The following NDST4 variants were observed in gnomAD, a reference collection of about 807,000 sequenced individuals.
The protein encoded by NDST4 is N-deacetylase and N-sulfotransferase 4.
A neutral mutation model predicts 100.8 loss-of-function variants in NDST4; 63 were observed. The ratio of observed to expected loss-of-function variants is 0.62; its 90% CI spans 0.51 to 0.77. The LOEUF (loss-of-function observed/expected upper bound fraction) is 0.77, where lower values mean the gene tolerates loss of function less well. Ranked by LOEUF, NDST4 falls within the 30% of genes least tolerant of loss-of-function variation. The pLI is 0.00. For missense variants in NDST4, 943 were observed against 1,018.4 expected, an observed-to-expected ratio of 0.93 and a Z score of 1.01; for synonymous variants, 377 against 361.8, an observed-to-expected ratio of 1.04 and a Z score of -0.48.
At chr4:115,063,372 T>C (rs1214677513) in intron 2 of NDST4, among the ~76,000 whole-genome samples, 1 of 151,976 alleles carries the variant, frequency 6.6e-6, no homozygotes, top group Non-Finnish European at 1.5e-5. Context: ...ATGACTACTT[T>C]AACAGCTTAA....
chr4:115,077,624 T>C (rs1237929619), intron 1 of NDST4, among the ~76,000 whole-genome samples: 1 of 152,174 alleles, frequency 6.6e-6, no homozygotes, highest in East Asian at 1.9e-4. Context: ...ATAAAACTAT[T>C]CTACAGAACT....
intron 1 of NDST4, among the ~76,000 whole-genome samples, chr4:115,078,444 G>A (rs1182342509): frequency 1.3e-5 from 2 of 152,150 alleles, no homozygotes; most frequent in Non-Finnish European, 2.9e-5. Flanking sequence ...ATGGAAATGA[G>A]GAACTTATTG....
At chr4:114,872,905 C>T (rs1027294455) in intron 6 of NDST4, among the ~76,000 whole-genome samples, 1 of 151,898 alleles carries the variant, frequency 6.6e-6, no homozygotes, top group African/African-American at 2.4e-5. Context: ...TTGAGTTTGA[C>T]ATCCGTCATT....
intron 2 of NDST4, among the ~76,000 whole-genome samples, chr4:115,052,728 C>A (rs758536899): frequency 6.6e-6 from 1 of 152,064 alleles, no homozygotes; most frequent in Non-Finnish European, 1.5e-5. Flanking sequence ...TCGGGTATGT[C>A]TTTATTAGCA....
intron 2 of NDST4, among the ~76,000 whole-genome samples, chr4:115,038,756 A>T (rs1322088614): frequency 1.3e-5 from 2 of 152,178 alleles, no homozygotes; most frequent in Admixed American, 1.3e-4. Flanking sequence ...AAGGCAGACC[A>T]CTTGAGTCCA....
intron 6 of NDST4, among the ~76,000 whole-genome samples, chr4:114,885,661 GA>G (rs1724462384): frequency 6.6e-6 from 1 of 151,966 alleles, no homozygotes; most frequent in South Asian, 2.1e-4. Flanking sequence ...TTTTTTCAAT[GA>G]AAGGTCATAC....
intron 1 of NDST4, among the ~76,000 whole-genome samples, chr4:115,079,647 G>C (rs1025741429): frequency 6.6e-6 from 1 of 152,144 alleles, no homozygotes; most frequent in East Asian, 1.9e-4. Context: ...TATTACATCA[G>C]AGAGAATTAA....
At chr4:114,990,749 A>T (rs1727019154) in intron 2 of NDST4, among the ~76,000 whole-genome samples, 1 of 152,140 alleles carries the variant, frequency 6.6e-6, no homozygotes. Context: ...TTTCTGTGGT[A>T]ACATTTCATG....
At chr4:114,849,538 C>T (rs529398307) in intron 8 of NDST4, among the ~76,000 whole-genome samples, 47 of 152,200 alleles carry the variant, frequency 3.1e-4, no homozygotes, top group African/African-American at 1.1e-3. Flanking sequence ...GAGATTGCCG[C>T]CCTTTTAGAT....
At chr4:114,962,750 A>G (rs1726292723) in intron 4 of NDST4, among the ~76,000 whole-genome samples, 1 of 152,136 alleles carries the variant, frequency 6.6e-6, no homozygotes, top group Admixed American at 6.6e-5. Context: ...TGAGTTGCAG[A>G]TTGACTGCTA....
At chr4:114,904,788 A>C (rs546463385) in intron 6 of NDST4, among the ~76,000 whole-genome samples, 45 of 152,038 alleles carry the variant, frequency 3.0e-4, no homozygotes, top group African/African-American at 9.4e-4. Context: ...TAGGCATGTC[A>C]TATCTATATT....
At chr4:115,016,048 C>T (rs1182540739) in intron 2 of NDST4, among the ~76,000 whole-genome samples, 4 of 151,984 alleles carry the variant, frequency 2.6e-5, no homozygotes, top group Admixed American at 6.6e-5. Context: ...AACTACCATC[C>T]GTGAACTTTT....
At chr4:115,062,537 T>C (rs1046381430) in intron 2 of NDST4, among the ~76,000 whole-genome samples, 15 of 151,746 alleles carry the variant, frequency 9.9e-5, no homozygotes, top group African/African-American at 2.7e-4. Context: ...AATATCATCA[T>C]TAAAAGATAT....
rs1260159396 is a variant in NDST4, at chr4:115,057,390, G to A, written c.978+18669C>T. Among the ~76,000 whole-genome samples, 4 of 151,898 alleles carry A rather than the reference G, an allele frequency of 2.6e-5. No homozygotes were observed. In the East Asian group the frequency reaches 5.8e-4, roughly 22 times the overall value. ...AAAATGAGGGGAGAAAGAGAGTGAT[G>A]AAAAGGCAGAATTCCGGGAAGGGGA... On this transcript the variant is annotated intron_variant, in intron 2 of 13. Coordinates refer to ENST00000264363, the MANE Select transcript of NDST4 (RefSeq NM_022569.3).
At chr4:114,915,765 T>G (rs1290867627) in intron 6 of NDST4, among the ~76,000 whole-genome samples, 1 of 151,814 alleles carries the variant, frequency 6.6e-6, no homozygotes. Flanking sequence ...TATAGTCTAA[T>G]AGTATAATGA....
intron 2 of NDST4, among the ~76,000 whole-genome samples, chr4:115,020,954 A>G (rs1727798837): frequency 1.3e-5 from 2 of 152,110 alleles, no homozygotes; most frequent in African/African-American, 4.8e-5. Context: ...ACACTTCTAC[A>G]CTGCTGGTGT....
chr4:114,960,635 C>T (rs1339306860), intron 4 of NDST4, among the ~76,000 whole-genome samples: 1 of 152,068 alleles, frequency 6.6e-6, no homozygotes, highest in Non-Finnish European at 1.5e-5. Context: ...TATTTCTTTT[C>T]TCTTCTCATC....
intron 1 of NDST4, among the ~76,000 whole-genome samples, chr4:115,088,319 A>AT (rs758614668): frequency 0.47 from 63,279 of 134,830 alleles, 13,882 homozygotes; most frequent in Non-Finnish European, 0.51. Flanking sequence ...TTCTAAAGTT[A>AT]ATTTTTTTTT....
At chr4:114,902,634 T>G (rs1356514799) in intron 6 of NDST4, among the ~76,000 whole-genome samples, 1 of 152,060 alleles carries the variant, frequency 6.6e-6, no homozygotes, top group Non-Finnish European at 1.5e-5. Flanking sequence ...AAATTATCTG[T>G]CATAATTGCT....
Sources: gnomAD v4.1 joint callset for allele counts (sites outside exome capture counted in the v4.1 genomes callset) on GRCh38, gnomAD v4.1.1 for gene constraint, MANE v1.5 for transcripts, NCBI Gene and HGNC (gene_info 2026-07-23, HGNC 2026-07-21) for gene names.